STXBP5L: variants seen among roughly 807,000 people sequenced by gnomAD.
The protein encoded by STXBP5L is syntaxin binding protein 5L.
In STXBP5L, 65 loss-of-function variants were observed where a neutral mutation model predicts 144.5. The ratio of observed to expected loss-of-function variants is 0.45; its 90% CI spans 0.37 to 0.55. The LOEUF (loss-of-function observed/expected upper bound fraction) is 0.55. Ranked by LOEUF, STXBP5L falls within the 20% of genes least tolerant of loss-of-function variation. The pLI is 0.00. For missense variants in STXBP5L, 1,298 were observed against 1,405.5 expected (o/e 0.92, Z 1.22); for synonymous variants, 505 against 469.6 (o/e 1.08, Z -0.97).
At chr3:121,372,200 C>A (rs999915222) in intron 20 of STXBP5L, among the ~76,000 whole-genome samples, 4 of 152,124 alleles carry the variant, frequency 2.6e-5, no homozygotes, top group African/African-American at 9.7e-5. Flanking sequence ...GGCTGCACTA[C>A]AGACAGGCTT....
intron 3 of STXBP5L, among the ~76,000 whole-genome samples, chr3:120,975,253 C>G (rs1354096413): frequency 6.6e-6 from 1 of 152,080 alleles, no homozygotes; most frequent in Admixed American, 6.6e-5. Context: ...TGAAGAGGTC[C>G]TTCACGTCCC....
intron 3 of STXBP5L, among the ~76,000 whole-genome samples, chr3:120,963,515 A>C (rs1939136926): frequency 1.3e-5 from 2 of 152,200 alleles, no homozygotes; most frequent in African/African-American, 2.4e-5. Flanking sequence ...TCTTTTTTGC[A>C]TCTATTGAGA....
chr3:120,949,326 G>GAAAAT (rs1711052723), intron 2 of STXBP5L, among the ~76,000 whole-genome samples: 1 of 151,998 alleles, frequency 6.6e-6, no homozygotes, highest in South Asian at 2.1e-4. Context: ...TTGTTTCTCA[G>GAAAAT]ATGCATAGTT....
intron 21 of STXBP5L, among the ~76,000 whole-genome samples, chr3:121,380,435 G>A (rs1314320273): frequency 6.6e-6 from 1 of 152,172 alleles, no homozygotes; most frequent in Non-Finnish European, 1.5e-5. Flanking sequence ...GGAAAAGAGA[G>A]TGAAGGCTGT....
intron 2 of STXBP5L, among the ~76,000 whole-genome samples, chr3:120,912,840 T>C (rs771164574): frequency 3.3e-5 from 5 of 151,966 alleles, no homozygotes; most frequent in Admixed American, 6.5e-5. Flanking sequence ...GATTCCTGTT[T>C]ACCTTTCCAT....
chr3:121,252,229 G>A (rs2050049896), intron 15 of STXBP5L, among the ~76,000 whole-genome samples: 1 of 151,980 alleles, frequency 6.6e-6, no homozygotes, highest in African/African-American at 2.4e-5. Context: ...AGCTGGGTGT[G>A]GCAGCATGCG....
chr3:120,973,587 C>A (rs1291385395), intron 3 of STXBP5L, among the ~76,000 whole-genome samples: 1 of 151,966 alleles, frequency 6.6e-6, no homozygotes, highest in Admixed American at 6.6e-5. Context: ...TACATGTGCA[C>A]AATGTGCAGG....
At position 121,222,987 on chromosome 3, in the gene STXBP5L, G is replaced by A. The variant is rs753864598; in HGVS notation, c.957-16G>A. 3 of 1,585,690 alleles carry A rather than the reference G, an allele frequency of 1.9e-6. No homozygotes were observed. The highest frequency in any genetic ancestry group is 2.6e-6 in the Non-Finnish European group (3 of 1,169,988). On this transcript the variant is annotated splice_polypyrimidine_tract_variant and intron_variant, in intron 10 of 26. Coordinates refer to ENST00000471454, the MANE Select transcript of STXBP5L (RefSeq NM_001308330.2). The stretch of plus-strand genomic sequence containing the variant: ...TAAAGGACTTCTGAGTCTCATTCAT[G>A]TTTTTTCCTATGTAGCGAACCATTC...
At position 121,082,297 on chromosome 3, in the gene STXBP5L, A is replaced by AT. The variant is rs375764216; in HGVS notation, c.471-32619dup. On this transcript the variant is annotated intron_variant, in intron 5 of 26. Coordinates refer to ENST00000471454, the MANE Select transcript of STXBP5L (RefSeq NM_001308330.2). ...TAGATCTTCTTTGATTTCTTTCATC[A>AT]TTTTTTTTTGGCATACAAATCATGT... is the stretch of plus-strand genomic sequence containing the variant. Among the ~76,000 whole-genome samples, 250 of 150,490 alleles carry AT rather than the reference A, an allele frequency of 1.7e-3. 1 individual carries two copies. Among genetic ancestry groups the AT allele is most frequent in the African/African-American group, 4.9e-3 (203 of 41,082 alleles).
rs2047410836 is a variant in STXBP5L at position 121,424,130 on chromosome 3, T to G, written c.*5033T>G. The stretch of plus-strand genomic sequence containing the variant: ...AAATTAGGTCCAAATTTATTATTCA[T>G]TCTTCTTCTGGAGGAGACATGGGTA... On this transcript the variant is annotated 3_prime_UTR_variant, in exon 27 of 27. Transcript: ENST00000471454. 1 of 152,208 alleles carries G rather than the reference T, an allele frequency of 6.6e-6. No homozygotes were observed. 9.4% of individuals were successfully genotyped at this position (152,208 alleles called of 1,614,324 possible).
chr3:121,058,221 C>T (rs973545304), intron 5 of STXBP5L, among the ~76,000 whole-genome samples: 11 of 152,142 alleles, frequency 7.2e-5, no homozygotes, highest in Admixed American at 5.9e-4. Flanking sequence ...TGAGAATATG[C>T]GGTGTTTGGT....
rs530561399 is a variant in STXBP5L, at chr3:121,298,925, A to T, written c.2110+18969A>T. 5.9e-5 allele frequency among the ~76,000 whole-genome samples: 9 copies of T among 152,334 alleles called. No homozygotes were observed. In the East Asian group the frequency reaches 1.2e-3, roughly 20 times the overall value. ...GATTTCATGTTGTGTGTTTTTTACC[A>T]TTGAATATATGTGTTGATTATATAT... On this transcript the variant is annotated intron_variant, in intron 19 of 26. Coordinates refer to ENST00000471454, the MANE Select transcript of STXBP5L (RefSeq NM_001308330.2).
chr3:120,945,166 A>G (rs1360299467), intron 2 of STXBP5L, among the ~76,000 whole-genome samples: 1 of 151,724 alleles, frequency 6.6e-6, no homozygotes, highest in African/African-American at 2.4e-5. Flanking sequence ...TTCTGAATTC[A>G]AGATCTGGAA....
intron 14 of STXBP5L, among the ~76,000 whole-genome samples, chr3:121,248,323 C>G (rs2049922645): frequency 6.6e-6 from 1 of 152,206 alleles, no homozygotes; most frequent in Non-Finnish European, 1.5e-5. Flanking sequence ...CTCGGCCTCC[C>G]AAAGTGTTGG....
intron 3 of STXBP5L, among the ~76,000 whole-genome samples, chr3:121,011,203 G>T (rs991670381): frequency 6.6e-6 from 1 of 150,770 alleles, no homozygotes; most frequent in Non-Finnish European, 1.5e-5. Context: ...TTGGCTGCAG[G>T]TGTACTTCCT....
intron 7 of STXBP5L, among the ~76,000 whole-genome samples, chr3:121,143,376 G>A (rs577083504): frequency 1.3e-5 from 2 of 149,474 alleles, no homozygotes; most frequent in Non-Finnish European, 3.0e-5. Flanking sequence ...TATATCACAA[G>A]AAAATAAAAC....
At chr3:121,199,965 C>A (rs747582402) in intron 9 of STXBP5L, among the ~76,000 whole-genome samples, 6 of 151,936 alleles carry the variant, frequency 3.9e-5, no homozygotes, top group Non-Finnish European at 5.9e-5. Flanking sequence ...GTGTTTCTGC[C>A]AGGTTTTGGT....
At chr3:121,166,800 C>T (rs1446131336) in intron 9 of STXBP5L, among the ~76,000 whole-genome samples, 1 of 151,974 alleles carries the variant, frequency 6.6e-6, no homozygotes, top group Non-Finnish European at 1.5e-5. Context: ...CTCTGACTTA[C>T]TTAGAGATGA....
chr3:121,325,286 A>T (rs1037392373), intron 20 of STXBP5L, among the ~76,000 whole-genome samples: 4 of 152,076 alleles, frequency 2.6e-5, no homozygotes, highest in African/African-American at 9.6e-5. Context: ...AGGAAGATAG[A>T]GATAATAGTT....
Sources: allele counts gnomAD v4.1 joint callset (sites outside exome capture counted in the v4.1 genomes callset), GRCh38; gene constraint gnomAD v4.1.1; transcripts MANE v1.5; gene names NCBI Gene and HGNC (gene_info 2026-07-23, HGNC 2026-07-21).